Variants in SLC6A6 observed in about 807,000 individuals in gnomAD.
SLC6A6 encodes solute carrier family 6 member 6.
In SLC6A6, 16 loss-of-function variants were observed where a neutral mutation model predicts 68.8. The ratio of observed to expected loss-of-function variants is 0.23; its 90% CI spans 0.16 to 0.35. The LOEUF (loss-of-function observed/expected upper bound fraction) is 0.35. Ranked by LOEUF, SLC6A6 falls within the 10% of genes least tolerant of loss-of-function variation. SLC6A6 has a pLI of 1.00. For missense variants in SLC6A6, 474 were observed against 802.8 expected, an observed-to-expected ratio of 0.59 and a Z score of 4.95; for synonymous variants, 312 against 315.4, an observed-to-expected ratio of 0.99 and a Z score of 0.12.
intron 2 of SLC6A6, among the ~76,000 whole-genome samples, chr3:14,441,465 G>T (rs746106292): frequency 3.3e-5 from 5 of 152,162 alleles, no homozygotes; most frequent in Non-Finnish European, 7.4e-5. Flanking sequence ...GAAAGGCGGC[G>T]CGGATGCTCT....
chr3:14,408,807 TTTTG>T (rs1371832845), intron 1 of SLC6A6, among the ~76,000 whole-genome samples: 129 of 151,796 alleles, frequency 8.5e-4, no homozygotes, highest in African/African-American at 2.9e-3. Context: ...TTTGTTTTTT[TTTTG>T]TTTGTTTGTT....
Position 14,466,632 on chromosome 3 carries a change from C to T in SLC6A6, c.849C>T (p.Thr283=). ...AGTTCTATCTGTATCCTGACATCAC[C>T]CGCCTTGAGGACCCACAGGTACTGT... The part of the protein sequence containing the change: ...GIKFYLYPDI[T]RLEDPQVWID... The change falls in exon 7 of 15, where the codon ACC becomes ACT. Residue 283 remains threonine (T), a synonymous_variant. Coordinates refer to ENST00000622186, the MANE Select transcript of SLC6A6 (RefSeq NM_003043.6). 1 of 1,611,442 alleles carries T rather than the reference C, an allele frequency of 6.2e-7. No individual in the cohort carries two copies. The highest frequency in any genetic ancestry group is 1.1e-5 in the South Asian group (1 of 90,822).
intron 5 of SLC6A6, among the ~76,000 whole-genome samples, chr3:14,457,573 T>C (rs1206782060): frequency 2.0e-5 from 3 of 152,140 alleles, no homozygotes; most frequent in Non-Finnish European, 2.9e-5. Flanking sequence ...GAACAAACAG[T>C]AGAGCTGAGA....
At position 14,481,151 on chromosome 3, in the gene SLC6A6, G is replaced by A. The variant is rs1285602960; in HGVS notation, c.1552-520G>A. On this transcript the variant is annotated intron_variant, in intron 13 of 14. Transcript: ENST00000622186. This position sits in a 1 kb window ranked among gnomAD's most constrained non-coding sequence, Gnocchi z 4.7. ...ACTCACAGTCTGGCAGAACACGTGT[G>A]CCCAAGAGATGGTTACAACCACTCG... Among the ~76,000 whole-genome samples, 1 of 152,240 alleles carries A rather than the reference G, an allele frequency of 6.6e-6. No individual in the cohort carries two copies. Among genetic ancestry groups the A allele is most frequent in the African/African-American group, 2.4e-5 (1 of 41,454 alleles).
At chr3:14,424,539 G>C (rs2124915256) in intron 2 of SLC6A6, among the ~76,000 whole-genome samples, 1 of 152,192 alleles carries the variant, frequency 6.6e-6, no homozygotes, top group East Asian at 1.9e-4. Flanking sequence ...AATGGGGAGG[G>C]GAGAGGAGCT....
chr3:14,432,463 G>T (rs903834089), intron 2 of SLC6A6, among the ~76,000 whole-genome samples: 1 of 152,126 alleles, frequency 6.6e-6, no homozygotes, highest in Admixed American at 6.5e-5. Context: ...CACTCCTTCC[G>T]CAGGCTCCAG....
intron 2 of SLC6A6, among the ~76,000 whole-genome samples, chr3:14,442,515 C>T (rs995011874): frequency 6.6e-6 from 1 of 152,214 alleles, no homozygotes; most frequent in Non-Finnish European, 1.5e-5. Flanking sequence ...AATCAGGATG[C>T]TCTTGGTAAC....
At chr3:14,448,858 C>T (rs1200602447) in intron 5 of SLC6A6, among the ~76,000 whole-genome samples, 1 of 152,218 alleles carries the variant, frequency 6.6e-6, no homozygotes, top group Non-Finnish European at 1.5e-5. Context: ...TGCATCATTT[C>T]CCTCTTCTTC....
chr3:14,410,437 C>T (rs1473651465), intron 1 of SLC6A6, among the ~76,000 whole-genome samples: 1 of 152,184 alleles, frequency 6.6e-6, no homozygotes, highest in Non-Finnish European at 1.5e-5. Flanking sequence ...TTTGGCTGCT[C>T]AGGAGACACC....
intron 2 of SLC6A6, among the ~76,000 whole-genome samples, chr3:14,441,447 A>G (rs538058552): frequency 3.2e-4 from 49 of 152,282 alleles, no homozygotes; most frequent in African/African-American, 1.2e-3. Flanking sequence ...CCGAGGGAGC[A>G]GGGCAGAGAA....
At chr3:14,483,528 A>G (rs1327505059) in intron 14 of SLC6A6, among the ~76,000 whole-genome samples, 1 of 152,102 alleles carries the variant, frequency 6.6e-6, no homozygotes, top group East Asian at 1.9e-4. Context: ...CATTGTATGG[A>G]TGTGGAGAGG....
rs1701162399 is a variant in SLC6A6 at position 14,486,316 on chromosome 3, G to C, written c.*1309G>C. On this transcript the variant is annotated 3_prime_UTR_variant, in exon 15 of 15. Transcript: ENST00000622186. ...GCTTTTGAGTCTGTATCCTCCACTGGGGGAAGTGCTCCCAGTTCAGAACAA... is the reference window on the plus strand; with the variant it reads ...GCTTTTGAGTCTGTATCCTCCACTGCGGGAAGTGCTCCCAGTTCAGAACAA... The C allele has an allele frequency of 6.6e-6, 1 of 152,568 alleles. No individual in the cohort carries two copies. The highest frequency in any genetic ancestry group is 1.5e-5 in the Non-Finnish European group (1 of 68,046). 9.5% of individuals were successfully genotyped at this position (152,568 alleles called of 1,614,324 possible).
At chr3:14,420,112 A>G (rs1018445054) in intron 2 of SLC6A6, among the ~76,000 whole-genome samples, 2 of 152,212 alleles carry the variant, frequency 1.3e-5, no homozygotes, top group African/African-American at 2.4e-5. Context: ...ATAAAATGAT[A>G]TTTATTATTT....
chr3:14,412,813 T>C (rs1261387869), intron 1 of SLC6A6, among the ~76,000 whole-genome samples: 2 of 152,216 alleles, frequency 1.3e-5, no homozygotes, highest in Non-Finnish European at 2.9e-5. Context: ...CGTCAACTCC[T>C]CTTCTTAATC....
At chr3:14,454,742 T>C (rs1353289354) in intron 5 of SLC6A6, among the ~76,000 whole-genome samples, 2 of 152,182 alleles carry the variant, frequency 1.3e-5, no homozygotes, top group Non-Finnish European at 2.9e-5. Flanking sequence ...AGTGCAAAAA[T>C]ACTTTGCAAA....
At chr3:14,445,462 G>GAA (rs1327223688) in intron 3 of SLC6A6, among the ~76,000 whole-genome samples, 51 of 122,308 alleles carry the variant, frequency 4.2e-4, no homozygotes, top group Admixed American at 2.0e-3. Flanking sequence ...AAGAAAGAAA[G>GAA]AAAAAAAAGA....
chr3:14,470,064 C>T (rs1279169935), intron 9 of SLC6A6, among the ~76,000 whole-genome samples: 2 of 152,182 alleles, frequency 1.3e-5, no homozygotes, highest in African/African-American at 4.8e-5. Flanking sequence ...GGCTTGCTTT[C>T]AGCTGAGGGC....
intron 5 of SLC6A6, chr3:14,448,090 C>T: frequency 8.5e-7 from 1 of 1,180,486 alleles, no homozygotes; most frequent in Non-Finnish European, 1.1e-6. Context: ...TCATTACTAC[C>T]CTGTGAGGCA....
At chr3:14,427,579 G>A (rs1248687135) in intron 2 of SLC6A6, among the ~76,000 whole-genome samples, 6 of 152,200 alleles carry the variant, frequency 3.9e-5, no homozygotes, top group African/African-American at 1.4e-4. Context: ...CGGTGCCCAA[G>A]GACCTTCAGC....
Sources: gnomAD v4.1 joint callset for allele counts (sites outside exome capture counted in the v4.1 genomes callset) on GRCh38, gnomAD v4.1.1 for gene constraint, Gnocchi (gnomAD v3.1) non-coding constraint, MANE v1.5 for transcripts, NCBI Gene and HGNC (gene_info 2026-07-23, HGNC 2026-07-21) for gene names.